DOCK8: variants seen among roughly 807,000 people sequenced by gnomAD.
DOCK8 encodes dedicator of cytokinesis 8, also known as dedicator of cytokinesis protein 8.
Under a neutral mutation model 245.6 loss-of-function variants are expected in DOCK8, and 141 were observed. The observed-to-expected ratio is 0.57, with a 90% CI of 0.50 to 0.66. DOCK8 has a LOEUF of 0.66. Among genes scored for constraint, DOCK8 ranks in the 30% least tolerant of loss-of-function variants. The pLI is 0.00. For synonymous variants in DOCK8, 1,168 were observed against 970.2 expected, an observed-to-expected ratio of 1.20 and a Z score of -3.79; for missense variants, 2,965 against 2,603.4, an observed-to-expected ratio of 1.14 and a Z score of -3.02.
At chr9:248,468 C>T (rs1006299670) in intron 1 of DOCK8, among the ~76,000 whole-genome samples, 1 of 151,160 alleles carries the variant, frequency 6.6e-6, no homozygotes, top group African/African-American at 2.4e-5. Flanking sequence ...CTTCCTTCCT[C>T]CCTCCCTCCT....
chr9:371,711 A>G (rs989519012), intron 17 of DOCK8, 145 bp downstream of exon 17: 2 of 1,158,778 alleles, frequency 1.7e-6, no homozygotes, highest in African/African-American at 1.5e-5. Context: ...AGCAAGAGGC[A>G]GAAATGATTT....
At chr9:333,721 C>A (rs1160247771) in intron 10 of DOCK8, among the ~76,000 whole-genome samples, 1 of 149,888 alleles carries the variant, frequency 6.7e-6, no homozygotes, top group African/African-American at 2.5e-5. Flanking sequence ...TAAAATCTGT[C>A]TTTTATTCTG....
intron 6 of DOCK8, 114 bp downstream of exon 6, chr9:312,280 G>A: frequency 7.7e-7 from 1 of 1,298,714 alleles, no homozygotes; most frequent in East Asian, 2.5e-5. Flanking sequence ...GGGCTCACTT[G>A]TATGATTTCT....
At chr9:448,185 T>C (rs1297782380) in intron 44 of DOCK8, among the ~76,000 whole-genome samples, 2 of 152,172 alleles carry the variant, frequency 1.3e-5, no homozygotes, top group Non-Finnish European at 2.9e-5. Flanking sequence ...CTCGACCTCC[T>C]GGGCTCGAGC....
intron 28 of DOCK8, among the ~76,000 whole-genome samples, chr9:407,668 A>G (rs373497340): frequency 1.8e-4 from 27 of 152,126 alleles, no homozygotes; most frequent in African/African-American, 5.3e-4. Flanking sequence ...TTCTCTCCCT[A>G]TGCTCCGTGA....
rs73641527 is a variant in DOCK8 at position 357,915 on chromosome 9, T to A, written c.1680-10103T>A. Among the ~76,000 whole-genome samples the A allele has an allele frequency of 7.5e-3, 1,146 of 152,360 alleles. 19 individuals are homozygous for A. Among genetic ancestry groups the A allele is most frequent in the African/African-American group, 0.026 (1,068 of 41,582 alleles). On this transcript the variant is annotated intron_variant, in intron 14 of 47. Coordinates refer to ENST00000432829, the MANE Select transcript of DOCK8 (RefSeq NM_203447.4). Reference sequence around the variant, plus strand: ...GGAGTTTTCCTTCTGTTTTCCTTTTTCACTGGTTCCTTTGTGAATTTGCAC... The same window carrying A: ...GGAGTTTTCCTTCTGTTTTCCTTTTACACTGGTTCCTTTGTGAATTTGCAC...
intron 24 of DOCK8, among the ~76,000 whole-genome samples, chr9:392,476 A>G (rs1346636358): frequency 1.3e-5 from 2 of 152,346 alleles, no homozygotes; most frequent in Admixed American, 1.3e-4. Flanking sequence ...CTTAGTAAAA[A>G]TAAAGCAGAG....
At position 443,467 on chromosome 9, in the gene DOCK8, T is replaced by G. The variant is rs749019242; in HGVS notation, c.5531T>G (p.Val1844Gly). Residue 1844 changes from valine (V) to glycine (G), a missense_variant, in exon 43 of 48, where the codon GTG becomes GGG. Coordinates refer to ENST00000432829, the MANE Select transcript of DOCK8 (RefSeq NM_203447.4). The part of the protein sequence containing the change: ...GQCFGAEFVE[V>G]IKDSTPVDKT... The stretch of plus-strand genomic sequence containing the variant: ...TGTTTTGGTGCAGAATTTGTGGAAG[T>G]GATTAAAGACTCCACTCCTGTGGAC... 1 of 1,614,080 alleles carries G rather than the reference T, an allele frequency of 6.2e-7. No individual in the cohort carries two copies. The highest frequency in any genetic ancestry group is 8.5e-7 in the Non-Finnish European group (1 of 1,179,996).
At chr9:414,674 A>G in intron 28 of DOCK8, 108 bp from the exon 29 acceptor site, 2 of 1,394,314 alleles carry the variant, frequency 1.4e-6, no homozygotes, top group East Asian at 2.3e-5. Context: ...CTTGGTTTTC[A>G]CAGTCACCTC....
At chr9:234,936 G>T (rs2047210569) in intron 1 of DOCK8, among the ~76,000 whole-genome samples, 2 of 152,150 alleles carry the variant, frequency 1.3e-5, no homozygotes, top group African/African-American at 2.4e-5. Context: ...TCCATTGCTG[G>T]TGAGGAGCTG....
rs10974393 is a variant in DOCK8, at chr9:429,577, A to G, written c.4474-125A>G. On this transcript the variant is annotated intron_variant, in intron 35 of 47. Coordinates refer to ENST00000432829, the MANE Select transcript of DOCK8 (RefSeq NM_203447.4). ...CTGATTCACATAGCTCATTATCTTT[A>G]TGGAATAATGCATTAACTCTTCTAG... 0.068 allele frequency: 75,886 copies of G among 1,112,356 alleles called. 3,028 individuals are homozygous for G. The highest frequency in any genetic ancestry group is 0.13 in the African/African-American group (8,762 of 65,208). 68.9% of individuals were successfully genotyped at this position (1,112,356 alleles called of 1,614,324 possible).
Position 227,369 on chromosome 9 carries a change from C to T in DOCK8, c.53+12340C>T, listed in dbSNP as rs144772473. 2.3e-3 allele frequency among the ~76,000 whole-genome samples: 345 copies of T among 152,260 alleles called. 1 individual carries two copies. Among genetic ancestry groups the T allele is most frequent in the African/African-American group, 6.7e-3 (280 of 41,548 alleles). On this transcript the variant is annotated intron_variant, in intron 1 of 47. Coordinates refer to ENST00000432829, the MANE Select transcript of DOCK8 (RefSeq NM_203447.4). ...CTTTACATATATTTGCTGTCCCTCC[C>T]GATGGGAGGATTTTACTTTTCACCT...
intron 39 of DOCK8, among the ~76,000 whole-genome samples, 198 bp downstream of exon 39, chr9:435,173 A>G (rs558908679): frequency 1.8e-4 from 28 of 152,356 alleles, no homozygotes; most frequent in African/African-American, 6.3e-4. Flanking sequence ...AGCTCCCCTG[A>G]CAAAGAATTG....
chr9:260,550 C>T (rs1057031697), intron 1 of DOCK8, among the ~76,000 whole-genome samples: 1 of 152,192 alleles, frequency 6.6e-6, no homozygotes, highest in African/African-American at 2.4e-5. Flanking sequence ...AATACACAAA[C>T]ACTTTCACCC....
chr9:463,474 T>C (rs538829306), intron 46 of DOCK8, 43 bp from the exon 47 acceptor site: 191 of 1,612,086 alleles, frequency 1.2e-4, no homozygotes, highest in Non-Finnish European at 1.5e-4. Flanking sequence ...TTCTAAGCAC[T>C]TCAAAGTCAT....
chr9:385,042 G>A (rs901597280), intron 22 of DOCK8, among the ~76,000 whole-genome samples: 17 of 152,242 alleles, frequency 1.1e-4, no homozygotes, highest in African/African-American at 3.9e-4. Context: ...ACAAAAATCA[G>A]TTCAGGGATG....
intron 1 of DOCK8, among the ~76,000 whole-genome samples, chr9:264,802 T>G (rs2047999151): frequency 6.6e-6 from 1 of 152,252 alleles, no homozygotes; most frequent in Non-Finnish European, 1.5e-5. Flanking sequence ...CTCCAGGAAC[T>G]ACTCACTCTT....
At chr9:246,220 A>G (rs1394765087) in intron 1 of DOCK8, among the ~76,000 whole-genome samples, 2 of 149,362 alleles carry the variant, frequency 1.3e-5, no homozygotes, top group Admixed American at 6.7e-5. Flanking sequence ...CCCATCTCAG[A>G]AAAAAAAAAT....
intron 16 of DOCK8, 77 bp downstream of exon 16, chr9:370,377 G>C: frequency 7.7e-7 from 1 of 1,298,624 alleles, no homozygotes; most frequent in Non-Finnish European, 1.1e-6. Context: ...CCCGTGGGTG[G>C]TTCCTCCTAA....
Sources: gnomAD v4.1 joint callset for allele counts (sites outside exome capture counted in the v4.1 genomes callset) on GRCh38, gnomAD v4.1.1 for gene constraint, MANE v1.5 for transcripts, NCBI Gene and HGNC (gene_info 2026-07-23, HGNC 2026-07-21) for gene names.